The following CYP2C19 variants were observed in gnomAD, a reference collection of about 807,000 sequenced individuals.
The protein encoded by CYP2C19 is cytochrome P450 family 2 subfamily C member 19.
CYP2C19 carries 59 observed loss-of-function variants against 40.9 expected under a neutral mutation model. That is an observed-to-expected ratio of 1.44 (90% CI 1.17 to 1.79). CYP2C19 has a LOEUF of 1.79. Among genes scored for constraint, CYP2C19 ranks in the 40% most tolerant of loss-of-function variants. CYP2C19 has a pLI of 0.00. For missense variants in CYP2C19, 754 were observed against 596.9 expected (o/e 1.26, Z -2.74); for synonymous variants, 253 against 208.7 (o/e 1.21, Z -1.83).
chr10:94,817,351 G>C (rs1399566350), intron 5 of CYP2C19, among the ~76,000 whole-genome samples: 1 of 149,896 alleles, frequency 6.7e-6, no homozygotes, highest in South Asian at 2.1e-4. Flanking sequence ...ATTTTTTCAT[G>C]TGTTTTTTGG....
chr10:94,791,737 G>C (rs566700461), intron 5 of CYP2C19, among the ~76,000 whole-genome samples: 8 of 152,180 alleles, frequency 5.3e-5, no homozygotes, highest in Non-Finnish European at 2.9e-5. Flanking sequence ...GAGACAGTTT[G>C]TTATAATTTC....
intron 5 of CYP2C19, among the ~76,000 whole-genome samples, chr10:94,804,168 G>A (rs1848802538): frequency 6.6e-6 from 1 of 152,100 alleles, no homozygotes. Context: ...TCAATCTTAG[G>A]GGAAAGGCTG....
chr10:94,849,035 A>T (rs564565273), intron 7 of CYP2C19, among the ~76,000 whole-genome samples: 84 of 152,130 alleles, frequency 5.5e-4, no homozygotes, highest in Non-Finnish European at 1.0e-3. Context: ...AGGGACAATT[A>T]GACTTCATCT....
chr10:94,783,818 C>A (rs1848507456), intron 5 of CYP2C19, among the ~76,000 whole-genome samples: 1 of 152,042 alleles, frequency 6.6e-6, no homozygotes, highest in Admixed American at 6.6e-5. Flanking sequence ...TTAGGATCAA[C>A]TTGTCAATTT....
chr10:94,793,232 G>C (rs1848628169), intron 5 of CYP2C19, among the ~76,000 whole-genome samples: 1 of 152,048 alleles, frequency 6.6e-6, no homozygotes, highest in African/African-American at 2.4e-5. Context: ...TCCCTATGCT[G>C]TTTATTCTAG....
rs1268949370 is a variant in CYP2C19 at position 94,781,972 on chromosome 10, A to G, written c.794A>G (p.Asp265Gly). 5 of 1,536,060 alleles carry G rather than the reference A, an allele frequency of 3.3e-6. No individual in the cohort carries two copies. The South Asian group carries it at 5.3e-5, about 16-fold the overall frequency. ...ATCAACAACCCTCGGGACTTTATTGATTGCTTCCTGATCAAAATGGAGAAG... is the reference window on the plus strand; with the variant it reads ...ATCAACAACCCTCGGGACTTTATTGGTTGCTTCCTGATCAAAATGGAGAAG... Reference protein sequence around the residue: ...MDINNPRDFIDCFLIKMEKEK... With the variant: ...MDINNPRDFIGCFLIKMEKEK... The change falls in exon 5 of 9, where the codon GAT becomes GGT. Residue 265 changes from aspartate (D) to glycine (G), a missense_variant. Transcript: ENST00000371321.
intron 1 of CYP2C19, 117 bp from the exon 2 acceptor site, chr10:94,774,941 G>GA: frequency 9.4e-7 from 1 of 1,061,666 alleles, no homozygotes; most frequent in African/African-American, 1.6e-5. Context: ...AGAAATATTT[G>GA]AGCCTGTGTG....
chr10:94,811,989 G>T (rs935168704), intron 5 of CYP2C19, among the ~76,000 whole-genome samples: 4 of 152,116 alleles, frequency 2.6e-5, no homozygotes, highest in Non-Finnish European at 4.4e-5. Context: ...ACAAAATTTA[G>T]TATGTTTTTG....
chr10:94,787,439 G>A (rs1364902647), intron 5 of CYP2C19, among the ~76,000 whole-genome samples: 1 of 152,046 alleles, frequency 6.6e-6, no homozygotes, highest in African/African-American at 2.4e-5. Context: ...TCCCCATTCT[G>A]TAGGTTGTCT....
At chr10:94,827,943 G>C (rs946408694) in intron 6 of CYP2C19, among the ~76,000 whole-genome samples, 1 of 151,742 alleles carries the variant, frequency 6.6e-6, no homozygotes, top group Non-Finnish European at 1.5e-5. Context: ...TTCAGGAGCA[G>C]GTTGTTCAGT....
At chr10:94,832,192 T>C (rs558074861) in intron 6 of CYP2C19, among the ~76,000 whole-genome samples, 3 of 152,320 alleles carry the variant, frequency 2.0e-5, no homozygotes, top group Non-Finnish European at 2.9e-5. Flanking sequence ...TTGGTACCTG[T>C]GTTAGTCTGT....
chr10:94,786,003 T>C (rs1463557491), intron 5 of CYP2C19, among the ~76,000 whole-genome samples: 1 of 152,060 alleles, frequency 6.6e-6, no homozygotes, highest in Non-Finnish European at 1.5e-5. Flanking sequence ...AGACACTGCC[T>C]TTTCCGGCCT....
At chr10:94,837,725 C>T (rs1013098692) in intron 6 of CYP2C19, among the ~76,000 whole-genome samples, 2 of 152,088 alleles carry the variant, frequency 1.3e-5, no homozygotes, top group Non-Finnish European at 2.9e-5. Flanking sequence ...CAGTTAACCT[C>T]CTGGCCCTCA....
At chr10:94,850,112 T>A in intron 8 of CYP2C19, 54 bp downstream of exon 8, 3 of 1,601,974 alleles carry the variant, frequency 1.9e-6, no homozygotes, top group Non-Finnish European at 2.6e-6. Flanking sequence ...ACTTTTTTGA[T>A]CAGTTGGAAC....
At chr10:94,790,009 TTTTA>T (rs1589353369) in intron 5 of CYP2C19, among the ~76,000 whole-genome samples, 1 of 152,300 alleles carries the variant, frequency 6.6e-6, no homozygotes. Context: ...TTGTGTCCTC[TTTTA>T]TTTCGTTGAG....
intron 1 of CYP2C19, among the ~76,000 whole-genome samples, chr10:94,765,659 G>A (rs899489809): frequency 5.9e-5 from 9 of 152,050 alleles, no homozygotes; most frequent in African/African-American, 2.2e-4. Context: ...GCTGCTGCAG[G>A]GGATCCAGGG....
At chr10:94,770,273 C>A (rs1302904558) in intron 1 of CYP2C19, among the ~76,000 whole-genome samples, 3 of 152,132 alleles carry the variant, frequency 2.0e-5, no homozygotes, top group Admixed American at 2.0e-4. Context: ...GGAAGTGTGC[C>A]TTCCAGTGAT....
chr10:94,850,960 T>C (rs1439952563), intron 8 of CYP2C19, among the ~76,000 whole-genome samples: 3 of 152,154 alleles, frequency 2.0e-5, no homozygotes, highest in Non-Finnish European at 4.4e-5. Flanking sequence ...ATCTCCTTCC[T>C]TTTTCTGTGA....
intron 5 of CYP2C19, among the ~76,000 whole-genome samples, chr10:94,785,777 T>C (rs1223354544): frequency 2.0e-5 from 3 of 152,106 alleles, no homozygotes; most frequent in Non-Finnish European, 2.9e-5. Flanking sequence ...TGAATGCTGA[T>C]AGGAAAGAAC....
Sources: gnomAD v4.1 joint callset for allele counts (sites outside exome capture counted in the v4.1 genomes callset) on GRCh38, gnomAD v4.1.1 for gene constraint, MANE v1.5 for transcripts, NCBI Gene and HGNC (gene_info 2026-07-23, HGNC 2026-07-21) for gene names.